The following DMD variants were observed in gnomAD, a reference collection of about 807,000 sequenced individuals.
DMD encodes mutant dystrophin.
In DMD, 63 loss-of-function variants were observed where a neutral mutation model predicts 330.1. That is an observed-to-expected ratio of 0.19 (90% confidence interval 0.16 to 0.24). The LOEUF (loss-of-function observed/expected upper bound fraction) is 0.24, where lower values mean the gene tolerates loss of function less well. DMD is among the 10% of genes least tolerant of loss of function. DMD has a pLI of 1.00. For synonymous variants in DMD, 1,223 were observed against 959.8 expected (o/e 1.27, Z -5.07); for missense variants, 3,344 against 2,684.1 (o/e 1.25, Z -5.43).
chrX:32,298,482 T>C (rs1241169974), intron 42 of DMD, among the ~76,000 whole-genome samples: 5 of 104,773 alleles, frequency 4.8e-5, no homozygotes, highest in African/African-American at 1.8e-4. Context: ...ATTTAAGATG[T>C]TTATTATACT....
intron 21 of DMD, among the ~76,000 whole-genome samples, chrX:32,481,959 G>C (rs146666658): frequency 9.0e-6 from 1 of 111,512 alleles, no homozygotes; most frequent in Non-Finnish European, 1.9e-5. Context: ...TAATGGTGTA[G>C]AACAGAAGAG....
chrX:32,889,494 C>T (rs1039934527), intron 2 of DMD, among the ~76,000 whole-genome samples: 1 of 110,622 alleles, frequency 9.0e-6, no homozygotes, highest in Non-Finnish European at 1.9e-5. Flanking sequence ...GCCATCATAT[C>T]CCCTGTGACC....
At chrX:32,786,316 T>C (rs759020551) in intron 7 of DMD, among the ~76,000 whole-genome samples, 3 of 110,232 alleles carry the variant, frequency 2.7e-5, no homozygotes, top group Admixed American at 9.8e-5. Flanking sequence ...AGATAAGAGA[T>C]GTTCACATCA....
intron 1 of DMD, among the ~76,000 whole-genome samples, chrX:33,040,017 G>A (rs1365449425): frequency 9.0e-6 from 1 of 111,077 alleles, no homozygotes; most frequent in Non-Finnish European, 1.9e-5. Flanking sequence ...GTCATCGTAG[G>A]AGCAGGAAAA....
intron 9 of DMD, among the ~76,000 whole-genome samples, chrX:32,665,421 G>C (rs995286967): frequency 5.4e-5 from 6 of 111,993 alleles, no homozygotes; most frequent in Non-Finnish European, 1.1e-4. Flanking sequence ...CATACAGCAT[G>C]GAAGAACCTG....
intron 74 of DMD, among the ~76,000 whole-genome samples, chrX:31,157,411 A>G (rs900668814): frequency 1.8e-5 from 2 of 112,305 alleles, no homozygotes; most frequent in Non-Finnish European, 3.8e-5. Flanking sequence ...ACAGACTAAC[A>G]AAACCTAAGA....
At chrX:32,043,666 A>C (rs193279526) in intron 44 of DMD, among the ~76,000 whole-genome samples, 95 of 111,818 alleles carry the variant, frequency 8.5e-4, no homozygotes, top group African/African-American at 2.8e-3. Flanking sequence ...ATGAGAGACG[A>C]TTATTAGATC....
chrX:31,264,144 G>A (rs139549010), intron 62 of DMD, among the ~76,000 whole-genome samples: 2 of 112,016 alleles, frequency 1.8e-5, no homozygotes, highest in Non-Finnish European at 1.9e-5. Flanking sequence ...CGATTTTACA[G>A]CTTCGTTTCT....
chrX:32,388,499 T>TATAAA (rs1364373503), intron 32 of DMD, among the ~76,000 whole-genome samples: 1 of 109,526 alleles, frequency 9.1e-6, no homozygotes, highest in Non-Finnish European at 1.9e-5. Context: ...AAATGCAGCT[T>TATAAA]GAATTATGAA....
intron 29 of DMD, among the ~76,000 whole-genome samples, chrX:32,437,658 A>T (rs552741933): frequency 8.9e-6 from 1 of 112,348 alleles, no homozygotes; most frequent in South Asian, 3.6e-4. Flanking sequence ...TGAATATAAA[A>T]CTAAACATCA....
At chrX:32,887,950 T>G (rs1301393996) in intron 2 of DMD, among the ~76,000 whole-genome samples, 1 of 109,051 alleles carries the variant, frequency 9.2e-6, no homozygotes, top group Non-Finnish European at 1.9e-5. Context: ...TATTTTCTCC[T>G]GCTCCATGAG....
chrX:32,124,983 A>T (rs1274201290), intron 44 of DMD, among the ~76,000 whole-genome samples: 1 of 109,645 alleles, frequency 9.1e-6, no homozygotes, highest in East Asian at 2.9e-4. Flanking sequence ...AAAAAAACAA[A>T]GTTAGTGTAG....
chrX:32,834,883 T>G (rs2079475065), intron 4 of DMD, among the ~76,000 whole-genome samples: 1 of 111,334 alleles, frequency 9.0e-6, no homozygotes, highest in Non-Finnish European at 1.9e-5. Flanking sequence ...GGATCGGAAT[T>G]CATAAAATGT....
chrX:32,651,789 A>T (rs968318390), intron 9 of DMD, among the ~76,000 whole-genome samples: 1 of 112,310 alleles, frequency 8.9e-6, no homozygotes, highest in Non-Finnish European at 1.9e-5. Context: ...ACAAAAATTT[A>T]AAACATAATT....
intron 43 of DMD, among the ~76,000 whole-genome samples, chrX:32,260,135 G>C (rs947487338): frequency 1.8e-5 from 2 of 110,935 alleles, no homozygotes; most frequent in African/African-American, 6.6e-5. Context: ...TTGAATCCTG[G>C]AAAGTGGGAA....
In DMD at chrX:31,850,805, G is replaced by T. The variant is rs761058290; in HGVS notation, c.7099-13986C>A. ...AATTTTGTCATTGTTTGTTACTGCA[G>T]CAAGAGCTGACAATTACAATATTAT... On this transcript the variant is annotated intron_variant, in intron 48 of 78. Transcript: ENST00000357033. Among the ~76,000 whole-genome samples, 17 of 112,412 alleles carry T rather than the reference G, an allele frequency of 1.5e-4. 1 individual carries two copies. In the South Asian group the frequency reaches 5.5e-3, roughly 36 times the overall value.
chrX:32,870,981 A>AAAAAAAAAG (rs1569537090), intron 2 of DMD, among the ~76,000 whole-genome samples: 1 of 82,571 alleles, frequency 1.2e-5, no homozygotes, highest in Non-Finnish European at 2.4e-5. Context: ...AAAAAAAAAA[A>AAAAAAAAAG]AAAAAAACCA....
chrX:31,398,911 G>C (rs1040314786), intron 60 of DMD, among the ~76,000 whole-genome samples: 1 of 111,981 alleles, frequency 8.9e-6, no homozygotes, highest in Non-Finnish European at 1.9e-5. Context: ...CTCATGGAAG[G>C]GGGAGCACAG....
Position 31,289,290 on chromosome X carries a change from C to CAA in DMD, c.9225-28276_9225-28275dup, listed in dbSNP as rs199636742. On this transcript the variant is annotated intron_variant, in intron 62 of 78. Transcript: ENST00000357033. Reference sequence around the variant, plus strand: ...ATAAAAAATAAAATAAAATCCATCTCAAAAAAAAAAAAATCAAAATTTAAC... The same window carrying CAA: ...ATAAAAAATAAAATAAAATCCATCTCAAAAAAAAAAAAAAATCAAAATTTAAC... Among the ~76,000 whole-genome samples the CAA allele has an allele frequency of 1.8e-3, 133 of 75,938 alleles. 1 individual carries two copies. The highest frequency in any genetic ancestry group is 6.5e-3 in the African/African-American group (114 of 17,562). 65.9% of individuals were successfully genotyped at this position (75,938 alleles called of 115,157 possible). A position where few individuals can be genotyped will look rare whatever the true frequency, so the allele number is the denominator to read the frequency against.
Sources: allele counts gnomAD v4.1 joint callset (sites outside exome capture counted in the v4.1 genomes callset), GRCh38; gene constraint gnomAD v4.1.1; transcripts MANE v1.5; gene names NCBI Gene and HGNC (gene_info 2026-07-23, HGNC 2026-07-21).